ZNF420: variants seen among roughly 807,000 people sequenced by gnomAD.
ZNF420 encodes zinc finger protein 420.
ZNF420 carries 31 observed loss-of-function variants against 44.7 expected under a neutral mutation model. The observed-to-expected ratio is 0.69, with a 90% confidence interval of 0.52 to 0.94. The LOEUF is 0.94. Ranked by LOEUF, ZNF420 falls within the 40% of genes least tolerant of loss-of-function variation. The pLI is 0.00. For synonymous variants in ZNF420, 245 were observed against 267.4 expected (o/e 0.92, Z 0.82); for missense variants, 681 against 827.9 (o/e 0.82, Z 2.18).
At chr19:37,068,732 A>C (rs1968010857) in intron 1 of ZNF420, among the ~76,000 whole-genome samples, 1 of 152,192 alleles carries the variant, frequency 6.6e-6, no homozygotes, top group Non-Finnish European at 1.5e-5. Flanking sequence ...GTTTTCAAGA[A>C]GTATATTAAG....
At chr19:37,073,773 A>AAAGG (rs1028616800), upstream of ZNF420, among the ~76,000 whole-genome samples, 3 of 151,406 alleles carry the variant, frequency 2.0e-5, no homozygotes, top group African/African-American at 7.3e-5. Context: ...AAAAGAAAAG[A>AAAGG]AAAGAAAGAA....
Position 37,067,847 on chromosome 19 carries a change from TTA to T in ZNF420, c.-124-12497_-124-12496del, listed in dbSNP as rs149847732. Among the ~76,000 whole-genome samples the T allele has an allele frequency of 2.0e-3, 308 of 152,310 alleles. 1 individual carries two copies. Among genetic ancestry groups the T allele is most frequent in the African/African-American group, 7.2e-3 (300 of 41,564 alleles). ...GTGTACATTATTTTGGTGCTTATGT[TTA>T]CAATATAATTTAGCAGGATATACTT... On this transcript the variant is annotated intron_variant, in intron 1 of 4. Coordinates refer to the ZNF420 transcript ENST00000587029.
At chr19:37,018,220 CTATCT>C (rs1020691446) in intron 1 of ZNF420, among the ~76,000 whole-genome samples, 5 of 152,164 alleles carry the variant, frequency 3.3e-5, no homozygotes, top group Non-Finnish European at 7.3e-5. Flanking sequence ...TATGTCAATA[CTATCT>C]AAAGCCATCT....
chr19:37,109,463 C>T (rs571207569), intron 4 of ZNF420: 1 of 152,304 alleles, frequency 6.6e-6, no homozygotes, highest in East Asian at 1.9e-4. Context: ...GTTCTCAAGG[C>T]CTTTTTTAGC....
intron 4 of ZNF420, among the ~76,000 whole-genome samples, chr19:37,105,817 C>T (rs1204941602): frequency 6.6e-6 from 1 of 152,048 alleles, no homozygotes; most frequent in African/African-American, 2.4e-5. Context: ...GGAGTTCACT[C>T]ATGATTTGGC....
chr19:37,046,854 T>G (rs1244341888), intron 1 of ZNF420, among the ~76,000 whole-genome samples: 1 of 151,574 alleles, frequency 6.6e-6, no homozygotes, highest in African/African-American at 2.4e-5. Context: ...AACAAAATAA[T>G]TTTTAAGAAA....
At position 37,037,002 on chromosome 19, in the gene ZNF420, A is replaced by T. The variant is rs528523684; in HGVS notation, c.-125+28920A>T. On this transcript the variant is annotated intron_variant, in intron 1 of 4. Coordinates refer to the ZNF420 transcript ENST00000587029. ...AGAGCCAATCCTCAGCCCCAGGCCAAACTTTTCCCTTTCATCGTAGGTAGC... is the reference window on the plus strand; with the variant it reads ...AGAGCCAATCCTCAGCCCCAGGCCATACTTTTCCCTTTCATCGTAGGTAGC... Among the ~76,000 whole-genome samples the T allele has an allele frequency of 6.4e-4, 98 of 152,274 alleles. 1 individual carries two copies. Among genetic ancestry groups the T allele is most frequent in the African/African-American group, 2.1e-3 (89 of 41,564 alleles).
intron 1 of ZNF420, among the ~76,000 whole-genome samples, chr19:37,064,085 T>TG (rs1967925464): frequency 6.6e-6 from 1 of 152,224 alleles, no homozygotes; most frequent in Non-Finnish European, 1.5e-5. Context: ...AAGTGATGCA[T>TG]GCTCCTATCA....
intron 1 of ZNF420, among the ~76,000 whole-genome samples, chr19:37,066,741 T>C (rs897746731): frequency 6.6e-6 from 1 of 152,300 alleles, no homozygotes; most frequent in Middle Eastern, 3.4e-3. Context: ...CAGTTTCTTA[T>C]AAAACTGAAC....
chr19:37,059,779 T>C (rs1967836003), intron 1 of ZNF420, among the ~76,000 whole-genome samples: 1 of 152,020 alleles, frequency 6.6e-6, no homozygotes, highest in Non-Finnish European at 1.5e-5. Context: ...ATGCCACTGC[T>C]CTGTCTCTGT....
chr19:37,008,439 C>T (rs564601611), intron 1 of ZNF420, among the ~76,000 whole-genome samples: 3 of 152,272 alleles, frequency 2.0e-5, no homozygotes, highest in Middle Eastern at 3.4e-3. Context: ...GGAGATGCTT[C>T]GGACCCAGAG....
intron 1 of ZNF420, among the ~76,000 whole-genome samples, chr19:37,053,121 A>G (rs1967670538): frequency 6.6e-6 from 1 of 152,110 alleles, no homozygotes; most frequent in Admixed American, 6.5e-5. Flanking sequence ...TTGATCTTCC[A>G]TCAGTGATAC....
chr19:37,013,749 C>T (rs2074589461), intron 1 of ZNF420, among the ~76,000 whole-genome samples: 1 of 152,194 alleles, frequency 6.6e-6, no homozygotes, highest in Admixed American at 6.5e-5. Context: ...CACTGCCTCC[C>T]TTCTCCTTGG....
chr19:37,077,555 C>T (rs1352076632), upstream of ZNF420, among the ~76,000 whole-genome samples: 1 of 152,138 alleles, frequency 6.6e-6, no homozygotes, highest in East Asian at 1.9e-4. Context: ...AAAATGATGT[C>T]TAAATTACTT....
At position 37,065,235 on chromosome 19, in the gene ZNF420, C is replaced by T. The variant is rs138952452; in HGVS notation, c.-124-15110C>T. On this transcript the variant is annotated intron_variant, in intron 1 of 4. Transcript: ENST00000587029. ...TCCAAGCCACAAGGGATTTTATGCC[C>T]TGGGCTTAGATTATGGTGCATGATG... 2.8e-4 allele frequency among the ~76,000 whole-genome samples: 42 copies of T among 152,262 alleles called. 1 individual carries two copies. In the East Asian group the frequency reaches 7.9e-3, roughly 29 times the overall value.
At chr19:37,070,584 AT>A (rs1407251444) in intron 1 of ZNF420, among the ~76,000 whole-genome samples, 8 of 152,198 alleles carry the variant, frequency 5.3e-5, no homozygotes, top group Admixed American at 4.6e-4. Context: ...ACCCAAAGAA[AT>A]TGAGCAAAGG....
At chr19:37,061,350 C>T (rs1434088325) in intron 1 of ZNF420, among the ~76,000 whole-genome samples, 1 of 152,178 alleles carries the variant, frequency 6.6e-6, no homozygotes, top group Non-Finnish European at 1.5e-5. Flanking sequence ...GTAAAGATAT[C>T]CATCAGACTG....
In ZNF420 at chr19:37,112,362, C is replaced by T. The variant is rs200029674; in HGVS notation, c.137-14766C>T. Reference sequence around the variant, plus strand: ...AATAAATCTCGACCCCACAGATTAACGGGAATTGAAGTAATCATTGGCTGA... The same window carrying T: ...AATAAATCTCGACCCCACAGATTAATGGGAATTGAAGTAATCATTGGCTGA... On this transcript the variant is annotated intron_variant, in intron 4 of 4. Transcript: ENST00000337995. Among the ~76,000 whole-genome samples the T allele has an allele frequency of 9.9e-5, 15 of 152,018 alleles. No individual in the cohort carries two copies. In the East Asian group the frequency reaches 1.4e-3, roughly 14 times the overall value.
intron 4 of ZNF420, among the ~76,000 whole-genome samples, chr19:37,096,853 C>G (rs912547244): frequency 1.3e-5 from 2 of 151,240 alleles, no homozygotes; most frequent in Non-Finnish European, 2.9e-5. Flanking sequence ...CATGCTAAAT[C>G]TGCTTTTCTT....
Sources: gnomAD v4.1 joint callset for allele counts (sites outside exome capture counted in the v4.1 genomes callset) on GRCh38, gnomAD v4.1.1 for gene constraint, MANE v1.5 for transcripts, NCBI Gene and HGNC (gene_info 2026-07-23, HGNC 2026-07-21) for gene names.